CREB5: variants seen among roughly 807,000 people sequenced by gnomAD.
The protein encoded by CREB5 is cAMP responsive element binding protein 5, also known as cyclic AMP-responsive element-binding protein 5.
Under a neutral mutation model 57.1 loss-of-function variants are expected in CREB5, and 19 were observed. That is an observed-to-expected ratio of 0.33 (90% CI 0.23 to 0.49). The LOEUF (loss-of-function observed/expected upper bound fraction) is 0.49. Among genes scored for constraint, CREB5 ranks in the 20% least tolerant of loss-of-function variants. CREB5 has a pLI of 0.99. For synonymous variants in CREB5, 238 were observed against 238.3 expected (o/e 1.00, Z 0.01); for missense variants, 579 against 671.6 (o/e 0.86, Z 1.52).
intron 1 of CREB5, among the ~76,000 whole-genome samples, chr7:28,419,240 G>C (rs1379678835): frequency 1.3e-5 from 2 of 152,196 alleles, no homozygotes; most frequent in African/African-American, 2.4e-5. Context: ...TGAAGGCAAA[G>C]GTCTGTACAG....
chr7:28,809,452 C>A (rs1808967395), intron 9 of CREB5, 38 bp downstream of exon 9: 2 of 1,544,054 alleles, frequency 1.3e-6, no homozygotes, highest in Non-Finnish European at 1.8e-6. Flanking sequence ...ACTCAAAGGC[C>A]CTCTGCTCCA....
intron 1 of CREB5, among the ~76,000 whole-genome samples, chr7:28,405,144 A>T (rs1012629277): frequency 1.3e-5 from 2 of 152,206 alleles, no homozygotes; most frequent in African/African-American, 2.4e-5. Context: ...GGAAATCTTT[A>T]TCCCTTCAAA....
At chr7:28,430,649 C>T (rs1476632099) in intron 1 of CREB5, among the ~76,000 whole-genome samples, 1 of 151,648 alleles carries the variant, frequency 6.6e-6, no homozygotes, top group East Asian at 1.9e-4. Flanking sequence ...ATTTAGGGGG[C>T]TCAGTTTTCT....
At chr7:28,699,122 A>G (rs1801718915) in intron 5 of CREB5, among the ~76,000 whole-genome samples, 1 of 150,554 alleles carries the variant, frequency 6.6e-6, no homozygotes, top group Non-Finnish European at 1.5e-5. Flanking sequence ...TATTTAAGCC[A>G]GGATGACCAA....
chr7:28,493,690 A>G (rs1249517953), intron 2 of CREB5, among the ~76,000 whole-genome samples: 2 of 152,168 alleles, frequency 1.3e-5, no homozygotes, highest in African/African-American at 4.8e-5. Context: ...ACATGGCTTC[A>G]TGCAACCACA....
intron 5 of CREB5, among the ~76,000 whole-genome samples, chr7:28,703,161 G>A (rs1271882004): frequency 1.3e-5 from 2 of 152,192 alleles, no homozygotes; most frequent in Non-Finnish European, 2.9e-5. Flanking sequence ...ACAGAGTTTG[G>A]ATAGAAGAAG....
intron 1 of CREB5, among the ~76,000 whole-genome samples, chr7:28,358,636 C>A (rs1786397126): frequency 6.6e-6 from 1 of 152,196 alleles, no homozygotes; most frequent in Admixed American, 6.5e-5. Flanking sequence ...TCCCCAGCAT[C>A]TGCAGCCGTC....
At chr7:28,356,843 G>T (rs1026637289) in intron 1 of CREB5, among the ~76,000 whole-genome samples, 2 of 152,136 alleles carry the variant, frequency 1.3e-5, no homozygotes, top group Non-Finnish European at 2.9e-5. Context: ...GTCGTCAGCC[G>T]GAGCTAAGTC....
rs59152695 is a variant in CREB5 at position 28,348,408 on chromosome 7, TCACA to T, written c.-25+49000_-25+49003del. Among the ~76,000 whole-genome samples the T allele has an allele frequency of 8.3e-4, 98 of 118,200 alleles. 1 individual carries two copies. The highest frequency in any genetic ancestry group is 2.2e-3 in the South Asian group (8 of 3,634). 77.5% of individuals were successfully genotyped at this position (118,200 alleles called of 152,430 possible). A position where few individuals can be genotyped will look rare whatever the true frequency, so the allele number is the denominator to read the frequency against. On this transcript the variant is annotated intron_variant, in intron 1 of 9. Transcript: ENST00000396299. ...GTCTCTCTCTCTCTGTCTCTCTCTC[TCACA>T]CACACACACACACACACACACACAC...
chr7:28,698,225 A>G (rs1801671123), intron 5 of CREB5, among the ~76,000 whole-genome samples: 1 of 152,048 alleles, frequency 6.6e-6, no homozygotes, highest in African/African-American at 2.4e-5. Context: ...GAGTTTCCCT[A>G]TCCCCAGACA....
intron 7 of CREB5, among the ~76,000 whole-genome samples, chr7:28,742,821 T>C (rs1804449909): frequency 1.3e-5 from 2 of 152,160 alleles, no homozygotes. Flanking sequence ...TCACTCTCGT[T>C]GCCCAAGGTG....
intron 1 of CREB5, among the ~76,000 whole-genome samples, chr7:28,369,617 T>C (rs1000854181): frequency 1.3e-5 from 2 of 152,232 alleles, no homozygotes; most frequent in Non-Finnish European, 2.9e-5. Flanking sequence ...GATGCTGTTA[T>C]CACCCCATCC....
At chr7:28,359,720 A>C (rs931271903) in intron 1 of CREB5, among the ~76,000 whole-genome samples, 1 of 152,222 alleles carries the variant, frequency 6.6e-6, no homozygotes, top group Non-Finnish European at 1.5e-5. Context: ...ATAGATAAAT[A>C]GGATTACATC....
Position 28,599,026 on chromosome 7 carries a change from T to G in CREB5, c.464+28489T>G, listed in dbSNP as rs373930679. The stretch of plus-strand genomic sequence containing the variant: ...TCATCCTGTTTTGCTGGCTGACAGA[T>G]TTCAGCAAAAAAATGTTCTGTAAGA... On this transcript the variant is annotated intron_variant, in intron 5 of 10. Transcript: ENST00000357727. 1.1e-4 allele frequency among the ~76,000 whole-genome samples: 16 copies of G among 152,116 alleles called. No homozygotes were observed. In the East Asian group the frequency reaches 2.5e-3, roughly 24 times the overall value.
chr7:28,453,577 A>G (rs927326682), intron 1 of CREB5, among the ~76,000 whole-genome samples: 4 of 152,260 alleles, frequency 2.6e-5, no homozygotes, highest in Admixed American at 2.0e-4. Flanking sequence ...AGTGCAAGGC[A>G]CGTGCCTAGC....
At chr7:28,665,003 A>G (rs73684255) in intron 5 of CREB5, among the ~76,000 whole-genome samples, 3,247 of 152,292 alleles carry the variant, frequency 0.021, 126 homozygotes, top group African/African-American at 0.074. Flanking sequence ...ATTCAAAACC[A>G]CAGGACAGTG....
intron 5 of CREB5, among the ~76,000 whole-genome samples, chr7:28,705,450 G>T (rs963408419): frequency 1.3e-5 from 2 of 151,490 alleles, no homozygotes; most frequent in African/African-American, 4.9e-5. Context: ...AACACTTACC[G>T]CCAGTGAGCA....
intron 1 of CREB5, among the ~76,000 whole-genome samples, chr7:28,315,789 A>G (rs758177775): frequency 2.6e-5 from 4 of 152,088 alleles, no homozygotes; most frequent in Non-Finnish European, 4.4e-5. Context: ...TCACCCAGCT[A>G]TATATCTTCC....
intron 1 of CREB5, among the ~76,000 whole-genome samples, chr7:28,354,235 G>GGGT (rs1297124500): frequency 6.6e-6 from 1 of 152,196 alleles, no homozygotes; most frequent in Non-Finnish European, 1.5e-5. Flanking sequence ...GCATCTGTGA[G>GGGT]GGTGTTGCCA....
Sources: gnomAD v4.1 joint callset for allele counts (sites outside exome capture counted in the v4.1 genomes callset) on GRCh38, gnomAD v4.1.1 for gene constraint, MANE v1.5 for transcripts, NCBI Gene and HGNC (gene_info 2026-07-23, HGNC 2026-07-21) for gene names.